Variants in TRAPPC9 observed in about 807,000 individuals in gnomAD.
The protein encoded by TRAPPC9 is trafficking protein particle complex subunit 9.
In TRAPPC9, 83 loss-of-function variants were observed where a neutral mutation model predicts 124.0. That is an observed-to-expected ratio of 0.67 (90% CI 0.56 to 0.80). TRAPPC9 has a LOEUF of 0.80. TRAPPC9 is among the 30% of genes least tolerant of loss of function. The probability of loss-of-function intolerance (pLI) is 0.00; values close to 1 mark genes in which losing one functional copy is unlikely to be tolerated. For missense variants in TRAPPC9, 1,302 were observed against 1,508.3 expected, an observed-to-expected ratio of 0.86 and a Z score of 2.27; for synonymous variants, 638 against 617.5, an observed-to-expected ratio of 1.03 and a Z score of -0.49.
At chr8:139,784,608 CATATATATATATATATATATATATAT>C (rs34583867) in intron 21 of TRAPPC9, among the ~76,000 whole-genome samples, 3 of 88,656 alleles carry the variant, frequency 3.4e-5, no homozygotes, top group East Asian at 3.4e-4. Context: ...AAAAGACTGA[CATATATATATATATATATATATATAT>C]ATATATATAT....
intron 21 of TRAPPC9, among the ~76,000 whole-genome samples, chr8:139,765,280 C>A (rs1820509323): frequency 6.6e-6 from 1 of 152,196 alleles, no homozygotes; most frequent in Non-Finnish European, 1.5e-5. Flanking sequence ...GAGGAAAAGC[C>A]AGGCTGAGGT....
upstream of TRAPPC9, chr8:140,457,817 G>A: frequency 9.4e-7 from 1 of 1,064,052 alleles, no homozygotes; most frequent in South Asian, 3.0e-5. Context: ...CCCGGGTTTT[G>A]CAAGAGACGC....
intron 17 of TRAPPC9, among the ~76,000 whole-genome samples, chr8:140,177,801 T>C (rs1032303187): frequency 3.3e-5 from 5 of 152,162 alleles, no homozygotes; most frequent in Admixed American, 6.5e-5. Context: ...GTCTTGGGAA[T>C]AGACAATCTC....
chr8:140,184,015 T>C (rs1432603406), intron 17 of TRAPPC9, among the ~76,000 whole-genome samples: 1 of 139,344 alleles, frequency 7.2e-6, no homozygotes, highest in African/African-American at 2.7e-5. Flanking sequence ...GAAGAGAAGA[T>C]CCATTGGTCT....
intron 21 of TRAPPC9, among the ~76,000 whole-genome samples, chr8:139,804,224 CCAT>C (rs1428121034): frequency 4.6e-4 from 63 of 135,988 alleles, no homozygotes; most frequent in South Asian, 7.2e-4. Context: ...CCACCAAGCA[CCAT>C]CACCACCACC....
chr8:140,310,364 G>A (rs568100011), intron 10 of TRAPPC9, among the ~76,000 whole-genome samples: 1 of 152,254 alleles, frequency 6.6e-6, no homozygotes, highest in South Asian at 2.1e-4. Context: ...AAGATACTTA[G>A]CATCTTCATC....
chr8:140,007,550 G>A (rs1000878642), intron 18 of TRAPPC9, among the ~76,000 whole-genome samples: 19 of 151,910 alleles, frequency 1.3e-4, no homozygotes, highest in African/African-American at 4.1e-4. Context: ...ACAAAGAAAC[G>A]AAGAGAACTT....
At chr8:139,790,252 A>C (rs566464210) in intron 21 of TRAPPC9, among the ~76,000 whole-genome samples, 1 of 152,356 alleles carries the variant, frequency 6.6e-6, no homozygotes, top group East Asian at 1.9e-4. Context: ...TTTGAACAGG[A>C]ACTCAAGTGC....
At chr8:140,359,500 G>A (rs981158679) in intron 9 of TRAPPC9, among the ~76,000 whole-genome samples, 2 of 152,182 alleles carry the variant, frequency 1.3e-5, no homozygotes, top group African/African-American at 2.4e-5. Flanking sequence ...GAAACACCGC[G>A]TGGCCCCATG....
intron 20 of TRAPPC9, among the ~76,000 whole-genome samples, chr8:139,894,498 C>T (rs1036552290): frequency 6.6e-6 from 1 of 152,192 alleles, no homozygotes; most frequent in South Asian, 2.1e-4. Flanking sequence ...TCCTAGGAAA[C>T]GCCATCCCCT....
rs117688394 is a variant in TRAPPC9, at chr8:140,451,004, T to C, written c.370A>G (p.Ile124Val). ...ACGTCGGTGCGCGGCTGCTCCACGA[T>C]CTCCCCCTGCAGCCCGAAGACAAAG... Reference protein sequence around the residue: ...RLFVFGLQGEIVEQPRTDVAF... With the variant: ...RLFVFGLQGEVVEQPRTDVAF... The change falls in exon 2 of 23, where the codon ATC becomes GTC. Residue 124 changes from isoleucine to valine, a missense_variant. This residue lies in a region of TRAPPC9 where 657 missense variants were observed against 811.2 expected (regional missense o/e 0.81). Coordinates refer to ENST00000438773, the MANE Select transcript of TRAPPC9 (RefSeq NM_001160372.4). 660 of 1,613,966 alleles carry C rather than the reference T, an allele frequency of 4.1e-4. 1 individual carries two copies. Among genetic ancestry groups the C allele is most frequent in the Non-Finnish European group, 5.4e-4 (642 of 1,180,000 alleles).
chr8:140,061,557 A>G (rs11994788), intron 17 of TRAPPC9, among the ~76,000 whole-genome samples: 16,544 of 152,134 alleles, frequency 0.11, 1,764 homozygotes, highest in African/African-American at 0.28. Flanking sequence ...GCCTTGAACA[A>G]AGGAGAGGCG....
chr8:139,974,891 G>A (rs1423972296), intron 19 of TRAPPC9, among the ~76,000 whole-genome samples: 1 of 152,108 alleles, frequency 6.6e-6, no homozygotes, highest in Non-Finnish European at 1.5e-5. Context: ...CCCAGGGGCT[G>A]TAGCTCTGCC....
intron 16 of TRAPPC9, among the ~76,000 whole-genome samples, chr8:140,229,251 CTTTTTTTTTTT>C (rs528175891): frequency 3.0e-5 from 3 of 99,828 alleles, no homozygotes; most frequent in Non-Finnish European, 3.8e-5. Context: ...TTTTCTTTTT[CTTTTTTTTTTT>C]TTTTTTTTTT....
chr8:140,059,054 T>A (rs1241419110), intron 17 of TRAPPC9, among the ~76,000 whole-genome samples: 1 of 152,218 alleles, frequency 6.6e-6, no homozygotes, highest in East Asian at 1.9e-4. Flanking sequence ...AATGTATACT[T>A]GTATAATCCA....
intron 21 of TRAPPC9, among the ~76,000 whole-genome samples, chr8:139,851,418 T>C (rs1341965947): frequency 1.3e-5 from 2 of 152,130 alleles, no homozygotes; most frequent in Non-Finnish European, 2.9e-5. Flanking sequence ...CCATCTTGAC[T>C]CCGGGAGCTG....
At chr8:140,064,708 A>T (rs891198109) in intron 17 of TRAPPC9, among the ~76,000 whole-genome samples, 1 of 152,220 alleles carries the variant, frequency 6.6e-6, no homozygotes, top group Non-Finnish European at 1.5e-5. Flanking sequence ...CACAAACATT[A>T]GCCAGTGTTA....
intron 21 of TRAPPC9, among the ~76,000 whole-genome samples, chr8:139,790,056 G>A (rs960066014): frequency 3.9e-5 from 6 of 152,234 alleles, no homozygotes; most frequent in Admixed American, 1.3e-4. Context: ...CCGCGTCGCT[G>A]CTGAGCGGGA....
At chr8:139,995,333 C>G (rs1183217141) in intron 18 of TRAPPC9, among the ~76,000 whole-genome samples, 2 of 152,278 alleles carry the variant, frequency 1.3e-5, no homozygotes, top group East Asian at 3.9e-4. Flanking sequence ...TAGGAGAATC[C>G]CTGAGTCTTT....
Sources: allele counts gnomAD v4.1 joint callset (sites outside exome capture counted in the v4.1 genomes callset), GRCh38; gene constraint gnomAD v4.1.1; regional missense constraint gnomAD v4.1.1; transcripts MANE v1.5; gene names NCBI Gene and HGNC (gene_info 2026-07-23, HGNC 2026-07-21).